The following GRIN3A variants were observed in gnomAD, a reference collection of about 807,000 sequenced individuals.
GRIN3A encodes the protein glutamate ionotropic receptor NMDA type subunit 3A.
GRIN3A carries 47 observed loss-of-function variants against 92.4 expected under a neutral mutation model. The ratio of observed to expected loss-of-function variants is 0.51; its 90% CI spans 0.40 to 0.65. The LOEUF (loss-of-function observed/expected upper bound fraction) is 0.65. Ranked by LOEUF, GRIN3A falls within the 30% of genes least tolerant of loss-of-function variation. The pLI is 0.00. For missense variants in GRIN3A, 1,324 were observed against 1,393.1 expected (o/e 0.95, Z 0.79); for synonymous variants, 527 against 540.6 (o/e 0.97, Z 0.35).
At chr9:101,587,434 T>C (rs1314365819) in intron 6 of GRIN3A, among the ~76,000 whole-genome samples, 1 of 152,174 alleles carries the variant, frequency 6.6e-6, no homozygotes, top group African/African-American at 2.4e-5. Flanking sequence ...ATAGACTGTA[T>C]CCTGACGCAG....
intron 2 of GRIN3A, among the ~76,000 whole-genome samples, chr9:101,671,366 C>T (rs1406536701): frequency 6.6e-6 from 1 of 152,100 alleles, no homozygotes; most frequent in South Asian, 2.1e-4. Context: ...TAGTCTTACT[C>T]CAAATGTTTT....
chr9:101,636,429 A>G (rs569902312), intron 3 of GRIN3A, among the ~76,000 whole-genome samples: 11 of 152,336 alleles, frequency 7.2e-5, no homozygotes, highest in Admixed American at 2.0e-4. Flanking sequence ...TTTGTGGTAC[A>G]TACAGTTGTT....
At chr9:101,606,900 A>G (rs1157222540) in intron 6 of GRIN3A, among the ~76,000 whole-genome samples, 2 of 145,746 alleles carry the variant, frequency 1.4e-5, no homozygotes, top group African/African-American at 5.1e-5. Context: ...AGTTGAAAAA[A>G]ATTACATTTT....
intron 5 of GRIN3A, among the ~76,000 whole-genome samples, chr9:101,613,860 T>A (rs1235223929): frequency 3.3e-5 from 5 of 152,206 alleles, no homozygotes; most frequent in Admixed American, 3.3e-4. Flanking sequence ...CCTATCTACC[T>A]CTTCCAGAAC....
chr9:101,716,645 C>G (rs1337697), intron 1 of GRIN3A, among the ~76,000 whole-genome samples: 64,443 of 151,534 alleles, frequency 0.43, 13,853 homozygotes, highest in Non-Finnish European at 0.47. Flanking sequence ...AGGAACTGTA[C>G]TTGTTATGAT....
chr9:101,589,944 C>A (rs1225352960), intron 6 of GRIN3A, among the ~76,000 whole-genome samples: 1 of 152,128 alleles, frequency 6.6e-6, no homozygotes, highest in South Asian at 2.1e-4. Context: ...ACTCCTTAGT[C>A]AATAAAAAGC....
intron 6 of GRIN3A, among the ~76,000 whole-genome samples, chr9:101,583,597 G>A (rs1324325551): frequency 6.6e-6 from 1 of 152,106 alleles, no homozygotes; most frequent in African/African-American, 2.4e-5. Flanking sequence ...ATACACTCAG[G>A]TGATGCAGAC....
intron 1 of GRIN3A, among the ~76,000 whole-genome samples, chr9:101,708,800 C>T (rs185303722): frequency 2.0e-5 from 3 of 152,266 alleles, no homozygotes; most frequent in Admixed American, 2.0e-4. Flanking sequence ...CTAACATCTC[C>T]CAGATGTTTA....
Position 101,738,388 on chromosome 9 carries a change from G to T in GRIN3A, c.-409C>A, listed in dbSNP as rs2119056635. 1 of 253,966 alleles carries T rather than the reference G, an allele frequency of 3.9e-6. No individual in the cohort carries two copies. The highest frequency in any genetic ancestry group is 7.6e-6 in the Non-Finnish European group (1 of 132,108). The allele number at this position is 253,966 out of a possible 1,614,324, so 15.7% of individuals were successfully genotyped here. On this transcript the variant is annotated 5_prime_UTR_variant, in exon 1 of 9. Coordinates refer to ENST00000361820, the MANE Select transcript of GRIN3A (RefSeq NM_133445.3). Reference sequence around the variant, plus strand: ...GGCAGCAGTGACAGAGGAGCGACGCGCTCTCGCCTGGATTCTTTTCCTTTT... The same window carrying T: ...GGCAGCAGTGACAGAGGAGCGACGCTCTCTCGCCTGGATTCTTTTCCTTTT...
intron 1 of GRIN3A, among the ~76,000 whole-genome samples, chr9:101,712,264 T>C (rs574736249): frequency 6.6e-6 from 1 of 152,340 alleles, no homozygotes; most frequent in Non-Finnish European, 1.5e-5. Flanking sequence ...TACTATCTGA[T>C]GGTTTAATTA....
At chr9:101,672,758 ATTGT>A (rs1279752712) in intron 2 of GRIN3A, among the ~76,000 whole-genome samples, 3 of 152,142 alleles carry the variant, frequency 2.0e-5, no homozygotes, top group African/African-American at 7.2e-5. Context: ...ATTTTGGAAG[ATTGT>A]TTGTAATGGT....
intron 1 of GRIN3A, among the ~76,000 whole-genome samples, chr9:101,707,293 G>C (rs180830168): frequency 6.6e-6 from 1 of 152,328 alleles, no homozygotes; most frequent in East Asian, 1.9e-4. Context: ...CTGAACTGCA[G>C]ACATGCTGGC....
At chr9:101,609,476 G>C (rs948570918) in intron 6 of GRIN3A, among the ~76,000 whole-genome samples, 2 of 152,194 alleles carry the variant, frequency 1.3e-5, no homozygotes, top group African/African-American at 4.8e-5. Flanking sequence ...AAGTAATTCA[G>C]CTGTTAATAG....
At chr9:101,626,377 C>G (rs1368364287) in intron 4 of GRIN3A, among the ~76,000 whole-genome samples, 1 of 152,054 alleles carries the variant, frequency 6.6e-6, no homozygotes, top group East Asian at 1.9e-4. Context: ...AGGACAGGTT[C>G]AATATGTAGA....
rs144905421 is a variant in GRIN3A, at chr9:101,610,721, T to G, written c.2766+2655A>C. ...TGATGTAACAAATGTAAAAAACAGA[T>G]TTCAGTTGGGAGTTTATAATATAAA... On this transcript the variant is annotated intron_variant, in intron 6 of 8. Coordinates refer to ENST00000361820, the MANE Select transcript of GRIN3A (RefSeq NM_133445.3). Among the ~76,000 whole-genome samples the G allele has an allele frequency of 1.7e-3, 263 of 152,166 alleles. 1 individual carries two copies. The highest frequency in any genetic ancestry group is 6.1e-3 in the African/African-American group (252 of 41,510).
chr9:101,735,410 G>C (rs1009954853), intron 1 of GRIN3A, among the ~76,000 whole-genome samples: 1 of 149,136 alleles, frequency 6.7e-6, no homozygotes, highest in Non-Finnish European at 1.5e-5. Context: ...CCCCCACCCC[G>C]GTCTTAGAGC....
chr9:101,641,336 C>T (rs565922734), intron 3 of GRIN3A, among the ~76,000 whole-genome samples: 19 of 152,194 alleles, frequency 1.2e-4, no homozygotes, highest in East Asian at 7.8e-4. Flanking sequence ...CACATGCACA[C>T]GTATGTTTAT....
At chr9:101,584,874 C>T (rs1827930986) in intron 6 of GRIN3A, among the ~76,000 whole-genome samples, 1 of 152,196 alleles carries the variant, frequency 6.6e-6, no homozygotes, top group Non-Finnish European at 1.5e-5. Context: ...GACTAGTTCT[C>T]AAGTCTCCAG....
chr9:101,738,381 G>A lies in GRIN3A; in HGVS notation c.-402C>T, dbSNP rs1782676027. 1 of 262,542 alleles carries A rather than the reference G, an allele frequency of 3.8e-6. No homozygotes were observed. Among genetic ancestry groups the A allele is most frequent in the African/African-American group, 2.3e-5 (1 of 42,756 alleles). 16.3% of individuals were successfully genotyped at this position (262,542 alleles called of 1,614,324 possible). On this transcript the variant is annotated 5_prime_UTR_variant, in exon 1 of 9. Transcript: ENST00000361820. Reference sequence around the variant, plus strand: ...CCTCGGGGGCAGCAGTGACAGAGGAGCGACGCGCTCTCGCCTGGATTCTTT... The same window carrying A: ...CCTCGGGGGCAGCAGTGACAGAGGAACGACGCGCTCTCGCCTGGATTCTTT...
Sources: gnomAD v4.1 joint callset for allele counts (sites outside exome capture counted in the v4.1 genomes callset) on GRCh38, gnomAD v4.1.1 for gene constraint, MANE v1.5 for transcripts, NCBI Gene and HGNC (gene_info 2026-07-23, HGNC 2026-07-21) for gene names.